LYVE1: variants seen among roughly 807,000 people sequenced by gnomAD.
The protein encoded by LYVE1 is lymphatic vessel endothelial hyaluronan receptor 1, also known as lymphatic vessel endothelial hyaluronic acid receptor 1.
A neutral mutation model predicts 31.5 loss-of-function variants in LYVE1; 29 were observed. The observed-to-expected ratio is 0.92, with a 90% CI of 0.69 to 1.26. LYVE1 has a LOEUF of 1.26. LYVE1 is among the 50% of genes most tolerant of loss of function. The pLI, the probability that LYVE1 is intolerant of heterozygous loss-of-function variation, is 0.00. For synonymous variants in LYVE1, 134 were observed against 139.4 expected, an observed-to-expected ratio of 0.96 and a Z score of 0.27; for missense variants, 376 against 380.2, an observed-to-expected ratio of 0.99 and a Z score of 0.09.
chr11:10,568,047 C>T (rs1564880202), intron 1 of LYVE1, among the ~76,000 whole-genome samples: 1 of 152,114 alleles, frequency 6.6e-6, no homozygotes, highest in South Asian at 2.1e-4. Context: ...TGCCTGCAAT[C>T]CCAGTACTTT....
Position 10,559,806 on chromosome 11 carries a change from A to G in LYVE1, c.782+10T>C. On this transcript the variant is annotated intron_variant, in intron 5 of 5. Transcript: ENST00000256178. ...AGATTACAAGACTAGCAGTGCACCAACAACCCTACCTTTTGACATAGCAAA... is the reference window on the plus strand; with the variant it reads ...AGATTACAAGACTAGCAGTGCACCAGCAACCCTACCTTTTGACATAGCAAA... 2 of 1,613,404 alleles carry G rather than the reference A, an allele frequency of 1.2e-6. No homozygotes were observed. Among genetic ancestry groups the G allele is most frequent in the African/African-American group, 1.3e-5 (1 of 75,044 alleles).
At chr11:10,565,266 A>C (rs1850512714) in intron 1 of LYVE1, among the ~76,000 whole-genome samples, 1 of 152,226 alleles carries the variant, frequency 6.6e-6, no homozygotes, top group Non-Finnish European at 1.5e-5. Context: ...ACCCCACAGA[A>C]GCTGAGGCTG....
At chr11:10,566,137 T>C (rs1308669147) in intron 1 of LYVE1, among the ~76,000 whole-genome samples, 1 of 146,456 alleles carries the variant, frequency 6.8e-6, no homozygotes, top group Non-Finnish European at 1.5e-5. Flanking sequence ...TGAGACAGAG[T>C]CTCGTTCTGT....
At chr11:10,563,762 T>A (rs112364463) in intron 3 of LYVE1, among the ~76,000 whole-genome samples, 178 bp downstream of exon 3, 1 of 152,136 alleles carries the variant, frequency 6.6e-6, no homozygotes, top group Non-Finnish European at 1.5e-5. Flanking sequence ...TCTCCTAACT[T>A]TTTCCTTTGA....
intron 3 of LYVE1, 60 bp downstream of exon 3, chr11:10,563,880 G>C (rs1270894878): frequency 1.9e-6 from 3 of 1,594,876 alleles, no homozygotes; most frequent in Middle Eastern, 1.7e-4. Context: ...TTCCCAGACA[G>C]GTCTCAGAGT....
intron 3 of LYVE1, among the ~76,000 whole-genome samples, chr11:10,563,229 A>G (rs4910162): frequency 0.56 from 85,659 of 151,886 alleles, 24,452 homozygotes; most frequent in East Asian, 0.72. Flanking sequence ...GATTACAGGC[A>G]TGAGCCACTG....
At chr11:10,560,953 C>T (rs536348197) in intron 3 of LYVE1, among the ~76,000 whole-genome samples, 153 bp from the exon 4 acceptor site, 2 of 152,340 alleles carry the variant, frequency 1.3e-5, no homozygotes, top group Admixed American at 1.3e-4. Flanking sequence ...TCCTTAGAAG[C>T]CTTCAGTGGC....
intron 3 of LYVE1, among the ~76,000 whole-genome samples, chr11:10,563,641 T>G (rs562436015): frequency 4.2e-4 from 64 of 152,320 alleles, no homozygotes; most frequent in Non-Finnish European, 7.6e-4. Flanking sequence ...TACATACATC[T>G]GTACCTTTGT....
intron 3 of LYVE1, among the ~76,000 whole-genome samples, chr11:10,561,325 C>G (rs1850420077): frequency 6.6e-6 from 1 of 152,170 alleles, no homozygotes; most frequent in Non-Finnish European, 1.5e-5. Flanking sequence ...CTGTCTTGGT[C>G]AGCATGGTAT....
intron 3 of LYVE1, among the ~76,000 whole-genome samples, chr11:10,562,253 A>C (rs545527988): frequency 8.5e-5 from 13 of 152,364 alleles, no homozygotes; most frequent in African/African-American, 2.9e-4. Flanking sequence ...AGAGGCAGAG[A>C]AGGGAAGGAA....
intron 2 of LYVE1, 33 bp from the exon 3 acceptor site, chr11:10,564,112 A>C (rs758068508): frequency 6.2e-7 from 1 of 1,614,158 alleles, no homozygotes; most frequent in African/African-American, 1.3e-5. Context: ...TGAACAGAAA[A>C]ATGATTAGAA....
rs1169287640 is a variant in LYVE1 at position 10,560,653 on chromosome 11, G to A, written c.545C>T (p.Thr182Ile). 3 of 1,614,058 alleles carry A rather than the reference G, an allele frequency of 1.9e-6. No homozygotes were observed. Among genetic ancestry groups the A allele is most frequent in the Non-Finnish European group, 2.5e-6 (3 of 1,180,012 alleles). The change falls in exon 4 of 6, where the codon ACT becomes ATT. Residue 182 changes from threonine (T) to isoleucine (I), a missense_variant. Physicochemically the swap from Thr to Ile is moderately conservative, Grantham distance 89. Coordinates refer to ENST00000256178, the MANE Select transcript of LYVE1 (RefSeq NM_006691.4). ...ASPYSTIPAPTTTPPAPASTS... is the reference protein window; with the variant it reads ...ASPYSTIPAPITTPPAPASTS... ...GGAAGCTGGAGCAGGAGGAGTAGTA[G>A]TAGGGGCAGGTATTGTAGAGTAAGG...
At position 10,559,912 on chromosome 11, in the gene LYVE1, A is replaced by G. The variant is rs1409498573; in HGVS notation, c.704-18T>C. The G allele has an allele frequency of 6.3e-7, 1 of 1,582,412 alleles. No homozygotes were observed. The highest frequency in any genetic ancestry group is 1.7e-5 in the Admixed American group (1 of 59,956). ...GGGGACACCTGCAAGGAACAGAGACAAGGCCTGTTGGTCCTTCACTTAAAC... is the reference window on the plus strand; with the variant it reads ...GGGGACACCTGCAAGGAACAGAGACGAGGCCTGTTGGTCCTTCACTTAAAC... On this transcript the variant is annotated intron_variant, in intron 4 of 5. Coordinates refer to ENST00000256178, the MANE Select transcript of LYVE1 (RefSeq NM_006691.4).
At chr11:10,559,637 T>G (rs926193740) in intron 5 of LYVE1, among the ~76,000 whole-genome samples, 179 bp downstream of exon 5, 1 of 152,270 alleles carries the variant, frequency 6.6e-6, no homozygotes, top group South Asian at 2.1e-4. Flanking sequence ...CTGGACGACA[T>G]GCATGTCCTG....
At chr11:10,560,412 T>C (rs1003179371) in intron 4 of LYVE1, 83 bp downstream of exon 4, 3 of 1,269,212 alleles carry the variant, frequency 2.4e-6, no homozygotes, top group African/African-American at 3.0e-5. Context: ...GAGCGCCTCA[T>C]CTAAAGACAG....
At chr11:10,559,368 GGT>G (rs2134000429) in intron 5 of LYVE1, 71 bp from the exon 6 acceptor site, 2 of 1,192,294 alleles carry the variant, frequency 1.7e-6, no homozygotes, top group Non-Finnish European at 2.4e-6. Context: ...TTTTGGCCAT[GGT>G]ACATATTGGC....
chr11:10,558,847 T>C lies in LYVE1; in HGVS notation c.*264A>G, dbSNP rs943416683. 49 of 388,744 alleles carry C rather than the reference T, an allele frequency of 1.3e-4. No individual in the cohort carries two copies. The highest frequency in any genetic ancestry group is 2.1e-4 in the Non-Finnish European group (45 of 219,130). The allele number at this position is 388,744 out of a possible 1,614,324, so 24.1% of individuals were successfully genotyped here. Reference sequence around the variant, plus strand: ...GCAAAACTCCTTTCTCCCAGTGGGATATTATTAGGACATAGCCAGGCTAGA... The same window carrying C: ...GCAAAACTCCTTTCTCCCAGTGGGACATTATTAGGACATAGCCAGGCTAGA... On this transcript the variant is annotated 3_prime_UTR_variant, in exon 6 of 6. Transcript: ENST00000256178.
chr11:10,566,506 C>T (rs1448142661), intron 1 of LYVE1, among the ~76,000 whole-genome samples: 1 of 152,106 alleles, frequency 6.6e-6, no homozygotes, highest in African/African-American at 2.4e-5. Flanking sequence ...GGCTGAACTC[C>T]CTGAACACAC....
chr11:10,561,143 T>C (rs1231255061), intron 3 of LYVE1, among the ~76,000 whole-genome samples: 1 of 152,252 alleles, frequency 6.6e-6, no homozygotes, highest in African/African-American at 2.4e-5. Context: ...TATGACTCTT[T>C]GCCTCTCTTT....
Sources: allele counts gnomAD v4.1 joint callset (sites outside exome capture counted in the v4.1 genomes callset), GRCh38; gene constraint gnomAD v4.1.1; transcripts MANE v1.5; gene names NCBI Gene and HGNC (gene_info 2026-07-23, HGNC 2026-07-21).